Variants in PKD2L2 observed in about 807,000 individuals in gnomAD.
PKD2L2 encodes polycystin 2 like 2, transient receptor potential cation channel.
PKD2L2 carries 67 observed loss-of-function variants against 83.9 expected under a neutral mutation model. The observed-to-expected ratio is 0.80, with a 90% CI of 0.66 to 0.98. The LOEUF (loss-of-function observed/expected upper bound fraction) is 0.98. Among genes scored for constraint, PKD2L2 ranks in the 50% least tolerant of loss-of-function variants. The pLI, the probability that PKD2L2 is intolerant of heterozygous loss-of-function variation, is 0.00. For missense variants in PKD2L2, 632 were observed against 717.2 expected (o/e 0.88, Z 1.36); for synonymous variants, 223 against 237.8 (o/e 0.94, Z 0.57).
chr5:137,911,185 ACT>A (rs1757805187), intron 8 of PKD2L2, among the ~76,000 whole-genome samples: 1 of 151,848 alleles, frequency 6.6e-6, no homozygotes, highest in African/African-American at 2.4e-5. Flanking sequence ...GATTTTGATT[ACT>A]CTAGGTACCA....
chr5:137,925,555 T>C (rs1462861795), intron 11 of PKD2L2, among the ~76,000 whole-genome samples: 1 of 151,632 alleles, frequency 6.6e-6, no homozygotes, highest in African/African-American at 2.4e-5. Context: ...TATTTGGCTA[T>C]AAAAATAAAA....
Position 137,907,762 on chromosome 5 carries a change from CT to C in PKD2L2, c.998del (p.Phe333SerfsTer17). On this transcript the variant is annotated frameshift_variant, in exon 7 of 15. Transcript: ENST00000508883. LOFTEE classifies it high-confidence loss of function. ...TTTAGTTGTGTTTTGTGGCTGTTTC[CT>C]TCAACACATACTATAATGTACAAAT... is the stretch of plus-strand genomic sequence containing the variant. Reference protein sequence around the residue: ...LLLLCFVAVSFNTYYNVQIFL... With the variant: ...LLLLCFVAVSXNTYYNVQIFL... 6.6e-7 allele frequency: 1 copy of C among 1,523,302 alleles called. No homozygotes were observed. The highest frequency in any genetic ancestry group is 8.8e-7 in the Non-Finnish European group (1 of 1,131,846). The allele number at this position is 1,523,302 out of a possible 1,614,324, so 94.4% of individuals were successfully genotyped here.
At chr5:137,931,434 A>T (rs891180067) in intron 12 of PKD2L2, among the ~76,000 whole-genome samples, 3 of 152,218 alleles carry the variant, frequency 2.0e-5, no homozygotes, top group Non-Finnish European at 4.4e-5. Flanking sequence ...TTAAAGCAAA[A>T]ATCCTAAATA....
At chr5:137,904,961 A>G (rs546191002) in intron 5 of PKD2L2, among the ~76,000 whole-genome samples, 15 of 152,312 alleles carry the variant, frequency 9.8e-5, no homozygotes, top group African/African-American at 3.6e-4. Flanking sequence ...TGGATATTAT[A>G]CCTTTTATTT....
intron 1 of PKD2L2, 192 bp from the exon 2 acceptor site, chr5:137,890,289 A>G: frequency 2.2e-6 from 1 of 455,080 alleles, no homozygotes; most frequent in Non-Finnish European, 3.9e-6. Flanking sequence ...CTCAAAAAAA[A>G]AATCTGTTAT....
chr5:137,926,216 C>G (rs1172066793), intron 12 of PKD2L2, among the ~76,000 whole-genome samples: 2 of 152,156 alleles, frequency 1.3e-5, no homozygotes, highest in Non-Finnish European at 2.9e-5. Context: ...TATTTGATGA[C>G]TTGATAACTT....
chr5:137,904,185 A>G (rs2150015747), intron 5 of PKD2L2, among the ~76,000 whole-genome samples: 1 of 152,306 alleles, frequency 6.6e-6, no homozygotes, highest in Admixed American at 6.5e-5. Flanking sequence ...TGTTTTTTAA[A>G]TTCAATATAT....
chr5:137,942,094 T>C, intron 14 of PKD2L2: 1 of 1,465,636 alleles, frequency 6.8e-7, no homozygotes, highest in Non-Finnish European at 9.5e-7. Context: ...ATTCATTATA[T>C]TCTTAAGAGA....
intron 5 of PKD2L2, among the ~76,000 whole-genome samples, chr5:137,903,142 A>G (rs1353176570): frequency 1.3e-5 from 2 of 152,208 alleles, no homozygotes; most frequent in Non-Finnish European, 2.9e-5. Context: ...GGACCCACAC[A>G]TGCGTCTTTA....
intron 14 of PKD2L2, among the ~76,000 whole-genome samples, chr5:137,937,637 C>T (rs1422077911): frequency 6.6e-6 from 1 of 152,198 alleles, no homozygotes; most frequent in Non-Finnish European, 1.5e-5. Flanking sequence ...TTTTAGATTA[C>T]TACTCACCTT....
intron 8 of PKD2L2, among the ~76,000 whole-genome samples, chr5:137,918,433 G>C (rs982298662): frequency 6.6e-6 from 1 of 152,200 alleles, no homozygotes; most frequent in Non-Finnish European, 1.5e-5. Flanking sequence ...CGATGGTCTT[G>C]CAACAATGGA....
intron 14 of PKD2L2, chr5:137,939,337 T>C (rs1316251133): frequency 6.6e-6 from 1 of 152,664 alleles, no homozygotes; most frequent in African/African-American, 2.4e-5. Context: ...AGCCCATTGA[T>C]TGAACACACA....
Position 137,911,803 on chromosome 5 carries a change from T to G in PKD2L2, c.1328+2857T>G, listed in dbSNP as rs188729827. On this transcript the variant is annotated intron_variant, in intron 8 of 14. Transcript: ENST00000508883. ...CACCCATTGACATACATCTCTCAAC[T>G]CCCCCTGAACTCCACCTCTCCAACC... 1.0e-3 allele frequency among the ~76,000 whole-genome samples: 155 copies of G among 152,198 alleles called. 1 individual carries two copies. The highest frequency in any genetic ancestry group is 3.6e-3 in the African/African-American group (151 of 41,516).
intron 4 of PKD2L2, among the ~76,000 whole-genome samples, chr5:137,899,026 G>A (rs1756728803): frequency 6.6e-6 from 1 of 152,160 alleles, no homozygotes; most frequent in Non-Finnish European, 1.5e-5. Flanking sequence ...AATCCTTAAT[G>A]CATTGTCTTG....
Position 137,910,654 on chromosome 5 carries a change from C to T in PKD2L2, c.1328+1708C>T, listed in dbSNP as rs112539070. ...GATTAGCTGGGTGTGGTGGTGTATGCCTGTAATCCCAGCTACTCAGGAGGC... is the reference window on the plus strand; with the variant it reads ...GATTAGCTGGGTGTGGTGGTGTATGTCTGTAATCCCAGCTACTCAGGAGGC... On this transcript the variant is annotated intron_variant, in intron 8 of 14. Transcript: ENST00000508883. 7.1e-3 allele frequency among the ~76,000 whole-genome samples: 1,085 copies of T among 151,926 alleles called. 5 individuals carry two copies. The highest frequency in any genetic ancestry group is 0.011 in the Non-Finnish European group (744 of 67,952).
chr5:137,935,842 G>C lies in PKD2L2; in HGVS notation c.1717G>C (p.Glu573Gln). The change falls in exon 13 of 15, where the codon GAG becomes CAG. Residue 573 changes from glutamate to glutamine, a missense_variant. Around this residue, in one of 3 missense-constraint regions of PKD2L2, gnomAD observed 399 missense variants for 416.9 expected, o/e 0.96. Coordinates refer to ENST00000508883, the MANE Select transcript of PKD2L2 (RefSeq NM_001300921.2). ...GATGAAAAAATGGAAAGAGAGGCTT[G>C]AGAAAAAGTATTATTCTATGGAAAT... ...EQMKKWKERL[E>Q]KKYYSMEIQD... The C allele has an allele frequency of 6.2e-7, 1 of 1,611,974 alleles. No individual in the cohort carries two copies. Among genetic ancestry groups the C allele is most frequent in the Non-Finnish European group, 8.5e-7 (1 of 1,178,156 alleles).
intron 12 of PKD2L2, among the ~76,000 whole-genome samples, chr5:137,929,534 C>CAAAAAAAAAAAAAA (rs756601170): frequency 8.7e-4 from 3 of 3,440 alleles, no homozygotes; most frequent in South Asian, 0.014. Flanking sequence ...ACAAAATTGC[C>CAAAAAAAAAAAAAA]AAAAAAAAAA....
At chr5:137,934,286 CAA>C (rs930146020) in intron 12 of PKD2L2, among the ~76,000 whole-genome samples, 9 of 152,132 alleles carry the variant, frequency 5.9e-5, no homozygotes, top group African/African-American at 1.7e-4. Context: ...GAAGGCTTCA[CAA>C]AAAGAGTGAT....
At chr5:137,902,772 T>C (rs981985798) in intron 5 of PKD2L2, among the ~76,000 whole-genome samples, 1 of 152,158 alleles carries the variant, frequency 6.6e-6, no homozygotes, top group Non-Finnish European at 1.5e-5. Context: ...GATACTAAGC[T>C]AACACAAAGG....
Sources: gnomAD v4.1 joint callset for allele counts (sites outside exome capture counted in the v4.1 genomes callset) on GRCh38, gnomAD v4.1.1 for gene constraint, gnomAD v4.1.1 regional missense constraint, MANE v1.5 for transcripts, NCBI Gene and HGNC (gene_info 2026-07-23, HGNC 2026-07-21) for gene names.